The following XPR1 variants were observed in gnomAD, a reference collection of about 807,000 sequenced individuals.
XPR1 encodes xenotropic and polytropic retrovirus receptor 1.
A neutral mutation model predicts 87.5 loss-of-function variants in XPR1; 28 were observed. That is an observed-to-expected ratio of 0.32 (90% confidence interval 0.24 to 0.44). XPR1 has a LOEUF of 0.44. XPR1 is among the 20% of genes least tolerant of loss of function. XPR1 has a pLI of 1.00. For synonymous variants in XPR1, 300 were observed against 306.1 expected (o/e 0.98, Z 0.21); for missense variants, 559 against 862.3 (o/e 0.65, Z 4.41).
chr1:180,785,011 T>G (rs77822426), intron 2 of XPR1, among the ~76,000 whole-genome samples: 30 of 136,392 alleles, frequency 2.2e-4, no homozygotes, highest in South Asian at 7.4e-4. Context: ...GTGTGTGTGT[T>G]TGTGTGTGTG....
chr1:180,633,601 T>G (rs1654666575), intron 1 of XPR1, among the ~76,000 whole-genome samples: 1 of 152,226 alleles, frequency 6.6e-6, no homozygotes, highest in African/African-American at 2.4e-5. Flanking sequence ...CTAGAGTATT[T>G]CATTATTGCT....
chr1:180,635,043 AATT>A (rs1346856901), intron 1 of XPR1, among the ~76,000 whole-genome samples: 1 of 152,052 alleles, frequency 6.6e-6, no homozygotes, highest in Non-Finnish European at 1.5e-5. Context: ...GAACTGATAA[AATT>A]ATTAATGATA....
At chr1:180,807,013 T>G (rs1650017084) in intron 6 of XPR1, among the ~76,000 whole-genome samples, 1 of 152,130 alleles carries the variant, frequency 6.6e-6, no homozygotes, top group Admixed American at 6.5e-5. Flanking sequence ...AAGTATATTT[T>G]CAGACAACAG....
At chr1:180,824,337 C>A (rs543695519) in intron 7 of XPR1, among the ~76,000 whole-genome samples, 1 of 152,290 alleles carries the variant, frequency 6.6e-6, no homozygotes, top group African/African-American at 2.4e-5. Context: ...AATCCCAACA[C>A]TTTGGGAGGC....
At chr1:180,785,965 GA>G (rs1649123698) in intron 2 of XPR1, among the ~76,000 whole-genome samples, 1 of 150,800 alleles carries the variant, frequency 6.6e-6, no homozygotes, top group African/African-American at 2.4e-5. Flanking sequence ...AAAAGCAAGG[GA>G]AAAAGAAAAA....
chr1:180,816,907 G>C (rs539265034), intron 7 of XPR1, among the ~76,000 whole-genome samples: 1 of 152,086 alleles, frequency 6.6e-6, no homozygotes, highest in Admixed American at 6.5e-5. Flanking sequence ...CAGGTCCTTC[G>C]GGAGGTGTTC....
chr1:180,821,524 A>G (rs1010947759), intron 7 of XPR1, among the ~76,000 whole-genome samples: 2 of 152,060 alleles, frequency 1.3e-5, no homozygotes, highest in African/African-American at 4.8e-5. Context: ...TGTTTTAGCT[A>G]TTTGGGACCT....
intron 2 of XPR1, among the ~76,000 whole-genome samples, chr1:180,745,154 G>C (rs541620979): frequency 3.3e-5 from 5 of 152,178 alleles, no homozygotes; most frequent in Admixed American, 3.3e-4. Context: ...GTGCTGCTTA[G>C]GTTCAGATCC....
chr1:180,682,465 G>C, intron 2 of XPR1, 54 bp downstream of exon 2: 1 of 1,496,170 alleles, frequency 6.7e-7, no homozygotes, highest in Non-Finnish European at 9.1e-7. Context: ...TTTAAGGAAA[G>C]ATATTTTGTA....
intron 7 of XPR1, among the ~76,000 whole-genome samples, chr1:180,815,354 T>G (rs1650370503): frequency 6.6e-6 from 1 of 152,154 alleles, no homozygotes; most frequent in Non-Finnish European, 1.5e-5. Flanking sequence ...TTTTCTCACT[T>G]CAGAACCCTT....
chr1:180,659,384 C>CG (rs1557943635), intron 1 of XPR1, among the ~76,000 whole-genome samples: 7 of 12,818 alleles, frequency 5.5e-4, no homozygotes, highest in Middle Eastern at 0.042. Flanking sequence ...TCCTTCCGTC[C>CG]TTCCTTCCTT....
chr1:180,719,741 C>T (rs956016806), intron 2 of XPR1, among the ~76,000 whole-genome samples: 1 of 152,008 alleles, frequency 6.6e-6, no homozygotes, highest in Non-Finnish European at 1.5e-5. Flanking sequence ...GTGTTGCGAG[C>T]ATCTTAAAAA....
chr1:180,664,290 G>A (rs1655886559), intron 1 of XPR1, among the ~76,000 whole-genome samples: 1 of 152,116 alleles, frequency 6.6e-6, no homozygotes, highest in Non-Finnish European at 1.5e-5. Context: ...CAAGGCCCAT[G>A]GTGTATACTA....
At chr1:180,632,506 C>T (rs1654621850) in intron 1 of XPR1, among the ~76,000 whole-genome samples, 1 of 151,992 alleles carries the variant, frequency 6.6e-6, no homozygotes, top group African/African-American at 2.4e-5. Flanking sequence ...GGCGGAGGGC[C>T]GGGAGGAAAG....
chr1:180,880,976 A>G (rs962184740), intron 14 of XPR1, among the ~76,000 whole-genome samples: 4 of 152,182 alleles, frequency 2.6e-5, no homozygotes, highest in Admixed American at 2.0e-4. Context: ...TTGAGGATGA[A>G]CGGTTTTCTA....
rs1649979848 is a variant in XPR1 at position 180,806,149 on chromosome 1, C to G, written c.535C>G (p.His179Asp). 1 of 1,613,626 alleles carries G rather than the reference C, an allele frequency of 6.2e-7. No homozygotes were observed. Among genetic ancestry groups the G allele is most frequent in the Non-Finnish European group, 8.5e-7 (1 of 1,179,748 alleles). The stretch of plus-strand genomic sequence containing the variant: ...TCGTGGAGCAGATTGGCGAGTGGCT[C>G]ACGTAGAGGTGGCCCCATTTTATAC... ...TSRGADWRVA[H>D]VEVAPFYTCK... is the part of the protein sequence containing the mutation. The change falls in exon 5 of 15, where the codon CAC becomes GAC. Residue 179 changes from histidine to aspartate, a missense_variant. Physicochemically the swap from His to Asp is moderately conservative, Grantham distance 81. Around this residue, in one of 7 missense-constraint regions of XPR1, gnomAD observed 159 missense variants for 263.3 expected, o/e 0.60. Coordinates refer to ENST00000367590, the MANE Select transcript of XPR1 (RefSeq NM_004736.4).
Position 180,632,074 on chromosome 1 carries a change from G to C in XPR1, c.-128G>C. The C allele has an allele frequency of 9.1e-7, 1 of 1,103,212 alleles. No individual in the cohort carries two copies. Among genetic ancestry groups the C allele is most frequent in the Non-Finnish European group, 1.3e-6 (1 of 741,650 alleles). The allele number at this position is 1,103,212 out of a possible 1,614,324, so 68.3% of individuals were successfully genotyped here. The stretch of plus-strand genomic sequence containing the variant: ...GGGCTGCTCTGAAGAGACCTCGGCG[G>C]CGGCGGAGGAGGAGAGAAGCGCAGC... On this transcript the variant is annotated 5_prime_UTR_variant, in exon 1 of 15. Coordinates refer to ENST00000367590, the MANE Select transcript of XPR1 (RefSeq NM_004736.4).
intron 2 of XPR1, among the ~76,000 whole-genome samples, chr1:180,751,788 T>A (rs1647544083): frequency 6.6e-6 from 1 of 152,220 alleles, no homozygotes; most frequent in East Asian, 1.9e-4. Context: ...CTCTCTCTTG[T>A]CAAGTAGAAA....
At chr1:180,801,898 G>A (rs912270333) in intron 3 of XPR1, among the ~76,000 whole-genome samples, 7 of 151,442 alleles carry the variant, frequency 4.6e-5, no homozygotes, top group African/African-American at 1.7e-4. Flanking sequence ...CCGAATTCAA[G>A]CAATTCTCTT....
Sources: gnomAD v4.1 joint callset for allele counts (sites outside exome capture counted in the v4.1 genomes callset) on GRCh38, gnomAD v4.1.1 for gene constraint, gnomAD v4.1.1 regional missense constraint, MANE v1.5 for transcripts, NCBI Gene and HGNC (gene_info 2026-07-23, HGNC 2026-07-21) for gene names.